Variants in INSL6 observed in about 807,000 individuals in gnomAD.
INSL6 encodes insulin-like peptide INSL6.
In INSL6, 16 loss-of-function variants were observed where a neutral mutation model predicts 9.4. That is an observed-to-expected ratio of 1.70 (90% CI 1.15 to 2.59). The LOEUF (loss-of-function observed/expected upper bound fraction) is 2.59. INSL6 is among the 30% of genes most tolerant of loss of function. INSL6 has a pLI of 0.00. For synonymous variants in INSL6, 154 were observed against 96.9 expected (o/e 1.59, Z -3.46); for missense variants, 391 against 257.3 (o/e 1.52, Z -3.56).
At chr9:5,080,763 C>T in the INSL6 span, 1 of 1,099,172 alleles carries the variant, frequency 9.1e-7, no homozygotes, top group Admixed American at 2.8e-5. Context: ...ATTTTTAATT[C>T]CTTTAAAACA....
At chr9:5,057,465 C>T in the INSL6 span, among the ~76,000 whole-genome samples, 5 of 151,904 alleles carry the variant, frequency 3.3e-5, no homozygotes, top group Non-Finnish European at 7.4e-5. Context: ...AGTATATTCA[C>T]TTTTGCATCC....
chr9:5,058,060 G>T, the INSL6 span, among the ~76,000 whole-genome samples: 124 of 152,218 alleles, frequency 8.1e-4, no homozygotes, highest in African/African-American at 2.7e-3. Context: ...TCTGTGTCAT[G>T]TATATACCAC....
chr9:5,095,997 A>T, the INSL6 span, among the ~76,000 whole-genome samples: 1 of 152,198 alleles, frequency 6.6e-6, no homozygotes, highest in African/African-American at 2.4e-5. Flanking sequence ...CTCCATTAAC[A>T]GGATTTCTGC....
chr9:5,095,877 A>G, the INSL6 span, among the ~76,000 whole-genome samples: 2 of 152,206 alleles, frequency 1.3e-5, no homozygotes, highest in Non-Finnish European at 2.9e-5. Context: ...CATTTCTAGC[A>G]CTTAGCCTAA....
chr9:5,137,438 C>G (rs1264534280), intron 2 of INSL6, among the ~76,000 whole-genome samples: 2 of 152,242 alleles, frequency 1.3e-5, no homozygotes, highest in Non-Finnish European at 1.5e-5. Flanking sequence ...ACTAATGGAA[C>G]AGAACAGAGG....
the INSL6 span, among the ~76,000 whole-genome samples, chr9:5,116,842 TATA>T: frequency 6.6e-6 from 1 of 152,246 alleles, no homozygotes; most frequent in African/African-American, 2.4e-5. Context: ...AAGTCATATG[TATA>T]ATATGGCACT....
the INSL6 span, chr9:5,112,449 G>T: frequency 1.9e-6 from 1 of 533,084 alleles, no homozygotes. Flanking sequence ...AGGAGAAGAA[G>T]GAGCTGAAGG....
At chr9:5,143,818 C>T (rs1338232724) in intron 2 of INSL6, among the ~76,000 whole-genome samples, 1 of 151,780 alleles carries the variant, frequency 6.6e-6, no homozygotes, top group Non-Finnish European at 1.5e-5. Context: ...CACCCCCACA[C>T]CCTGCTAATT....
the INSL6 span, chr9:5,112,612 G>A: frequency 3.4e-6 from 3 of 889,898 alleles, no homozygotes; most frequent in East Asian, 2.8e-5. Flanking sequence ...TGGGGCGCAT[G>A]TGGCAACTGC....
intron 3 of INSL6, among the ~76,000 whole-genome samples, chr9:5,125,665 T>C (rs1188088817): frequency 7.1e-6 from 1 of 141,594 alleles, no homozygotes; most frequent in Non-Finnish European, 1.5e-5. Context: ...TTGGTTATTA[T>C]ATTTTTATGT....
At chr9:4,992,610 C>T in the INSL6 span, among the ~76,000 whole-genome samples, 1 of 152,166 alleles carries the variant, frequency 6.6e-6, no homozygotes, top group Non-Finnish European at 1.5e-5. Context: ...CCCATCATGA[C>T]AGTAACTCAG....
At chr9:5,114,676 T>C in the INSL6 span, 1 of 433,394 alleles carries the variant, frequency 2.3e-6, no homozygotes, top group Non-Finnish European at 4.5e-6. Flanking sequence ...TCTGGCGTCT[T>C]AGTCTTCAGC....
chr9:5,181,196 TA>T (rs1345833751), intron 1 of INSL6, among the ~76,000 whole-genome samples: 12 of 152,260 alleles, frequency 7.9e-5, no homozygotes, highest in African/African-American at 2.9e-4. Flanking sequence ...TACTTTTAAA[TA>T]TATATGAAAG....
the INSL6 span, among the ~76,000 whole-genome samples, chr9:4,994,150 G>A: frequency 1.3e-3 from 191 of 152,350 alleles, no homozygotes; most frequent in African/African-American, 4.4e-3. Flanking sequence ...TAATCAGAGT[G>A]TTTGGAATCT....
the INSL6 span, among the ~76,000 whole-genome samples, chr9:5,011,203 C>G: frequency 2.0e-5 from 3 of 151,750 alleles, no homozygotes; most frequent in East Asian, 5.8e-4. Flanking sequence ...TTCCTCTGTT[C>G]CACTTATATG....
At chr9:5,056,419 C>G in the INSL6 span, among the ~76,000 whole-genome samples, 1 of 152,022 alleles carries the variant, frequency 6.6e-6, no homozygotes, top group Admixed American at 6.6e-5. Context: ...CTGGCTTAAA[C>G]TAGTCCTATT....
the INSL6 span, among the ~76,000 whole-genome samples, chr9:5,050,203 C>G: frequency 5.9e-5 from 9 of 152,222 alleles, no homozygotes; most frequent in East Asian, 1.5e-3. Flanking sequence ...ATTGGGAACC[C>G]AGTGTAAATC....
chr9:5,167,940 T>A (rs1427824441), intron 1 of INSL6, among the ~76,000 whole-genome samples: 4 of 152,050 alleles, frequency 2.6e-5, no homozygotes, highest in Admixed American at 6.5e-5. Flanking sequence ...CCAAGGTGAA[T>A]AAAGTCTGGA....
chr9:5,160,792 T>G (rs1179756548), downstream of INSL6, among the ~76,000 whole-genome samples: 2 of 152,070 alleles, frequency 1.3e-5, no homozygotes, highest in Non-Finnish European at 2.9e-5. Flanking sequence ...AAAGGATCAT[T>G]AGAGGCTACA....
Sources: gnomAD v4.1 joint callset for allele counts (sites outside exome capture counted in the v4.1 genomes callset) on GRCh38, gnomAD v4.1.1 for gene constraint, MANE v1.5 for transcripts, NCBI Gene and HGNC (gene_info 2026-07-23, HGNC 2026-07-21) for gene names.